Variants in SLC2A9 observed in about 807,000 individuals in gnomAD.
SLC2A9 encodes the protein solute carrier family 2 member 9.
In SLC2A9, 39 loss-of-function variants were observed where a neutral mutation model predicts 50.6. That is an observed-to-expected ratio of 0.77 (90% confidence interval 0.60 to 1.01). SLC2A9 has a LOEUF of 1.01. Ranked by LOEUF, SLC2A9 falls within the 50% of genes least tolerant of loss-of-function variation. The probability of loss-of-function intolerance (pLI) is 0.00; values close to 1 mark genes in which losing one functional copy is unlikely to be tolerated. For missense variants in SLC2A9, 686 were observed against 677.6 expected (o/e 1.01, Z -0.14); for synonymous variants, 324 against 276.9 (o/e 1.17, Z -1.69).
chr4:9,929,098 G>A (rs1045817627), intron 6 of SLC2A9, among the ~76,000 whole-genome samples: 25 of 152,216 alleles, frequency 1.6e-4, no homozygotes, highest in Non-Finnish European at 3.2e-4. Flanking sequence ...AGCTATCCAC[G>A]TTGCAATAAC....
chr4:9,806,833 T>C (rs1224078902), intron 3 of SLC2A9, among the ~76,000 whole-genome samples: 1 of 152,178 alleles, frequency 6.6e-6, no homozygotes, highest in East Asian at 1.9e-4. Flanking sequence ...CCTGTGACAG[T>C]CACTCAAGGG....
chr4:9,969,132 G>C (rs1753498819), intron 5 of SLC2A9, among the ~76,000 whole-genome samples: 2 of 152,106 alleles, frequency 1.3e-5, no homozygotes, highest in South Asian at 4.2e-4. Context: ...TCATCTTGTA[G>C]AGATATTAAA....
chr4:9,991,819 C>T (rs753042734), intron 3 of SLC2A9, among the ~76,000 whole-genome samples: 2 of 152,104 alleles, frequency 1.3e-5, no homozygotes, highest in Non-Finnish European at 2.9e-5. Context: ...AAAGACCTGC[C>T]GACACTTTGA....
intron 8 of SLC2A9, among the ~76,000 whole-genome samples, chr4:9,905,826 G>A (rs1159652042): frequency 1.3e-5 from 2 of 152,074 alleles, no homozygotes; most frequent in South Asian, 2.1e-4. Flanking sequence ...AGAACACTTT[G>A]GGGTGTCGGT....
At chr4:9,791,930 C>T (rs1719963680) in intron 3 of SLC2A9, among the ~76,000 whole-genome samples, 1 of 152,168 alleles carries the variant, frequency 6.6e-6, no homozygotes. Context: ...CAATAGATAA[C>T]TAATATAGAA....
intron 10 of SLC2A9, among the ~76,000 whole-genome samples, chr4:9,855,024 G>T (rs1468436617): frequency 1.3e-5 from 2 of 152,130 alleles, no homozygotes; most frequent in African/African-American, 4.8e-5. Context: ...GCAAAAGCTG[G>T]AAACATCCCC....
chr4:9,999,551 T>G (rs532767807), intron 2 of SLC2A9, among the ~76,000 whole-genome samples: 1 of 151,990 alleles, frequency 6.6e-6, no homozygotes, highest in Non-Finnish European at 1.5e-5. Context: ...AGAAGAAAGC[T>G]TGGGTGGCCA....
At chr4:9,952,246 C>T (rs1208710189) in intron 5 of SLC2A9, among the ~76,000 whole-genome samples, 1 of 152,176 alleles carries the variant, frequency 6.6e-6, no homozygotes, top group South Asian at 2.1e-4. Flanking sequence ...GAATTATAAT[C>T]GCCGATGTTG....
At chr4:9,850,054 C>T (rs147548569) in intron 10 of SLC2A9, among the ~76,000 whole-genome samples, 12 of 151,620 alleles carry the variant, frequency 7.9e-5, no homozygotes, top group African/African-American at 2.9e-4. Context: ...AGAGAGAAGG[C>T]ATTGAGAGTG....
At chr4:10,005,269 A>T (rs1760579163) in intron 2 of SLC2A9, among the ~76,000 whole-genome samples, 1 of 152,232 alleles carries the variant, frequency 6.6e-6, no homozygotes, top group African/African-American at 2.4e-5. Context: ...GACGACAGGC[A>T]GAGTTAACAG....
intron 6 of SLC2A9, among the ~76,000 whole-genome samples, chr4:9,936,603 C>A (rs1327101536): frequency 1.3e-5 from 2 of 152,200 alleles, no homozygotes; most frequent in Non-Finnish European, 2.9e-5. Flanking sequence ...ATGTCTGGAG[C>A]AGCAGGTGTC....
intron 3 of SLC2A9, among the ~76,000 whole-genome samples, chr4:9,780,610 C>T (rs547242151): frequency 1.2e-4 from 18 of 152,278 alleles, no homozygotes; most frequent in South Asian, 1.0e-3. Context: ...GGTGTCTGGG[C>T]CAGCAGGTCG....
chr4:9,952,676 C>G (rs1244432430), intron 5 of SLC2A9, among the ~76,000 whole-genome samples: 1 of 152,038 alleles, frequency 6.6e-6, no homozygotes, highest in Non-Finnish European at 1.5e-5. Context: ...AGGCATGCAC[C>G]ACCAAGGCCA....
downstream of SLC2A9, among the ~76,000 whole-genome samples, chr4:9,797,373 T>G (rs1255307800): frequency 6.6e-6 from 1 of 152,228 alleles, no homozygotes; most frequent in African/African-American, 2.4e-5. Context: ...AACCAAACCT[T>G]GGTGTGATTG....
chr4:9,973,930 T>C (rs1244857542), intron 5 of SLC2A9, among the ~76,000 whole-genome samples: 3 of 151,454 alleles, frequency 2.0e-5, no homozygotes, highest in Admixed American at 2.0e-4. Context: ...CCTTTACAAA[T>C]TACCAGCAAA....
rs536904632 is a variant in SLC2A9 at position 9,782,158 on chromosome 4, C to T, written n.386-2093G>A. On this transcript the variant is annotated intron_variant and non_coding_transcript_variant, in intron 3 of 3. Coordinates refer to the SLC2A9 transcript ENST00000503803. ...CACTGGGGCCCTCACAGGTGGTCAC[C>T]GCCTGCCTGCTGACCCTACTCATCA... 23 of 1,585,530 alleles carry T rather than the reference C, an allele frequency of 1.5e-5. No homozygotes were observed. The African/African-American group carries it at 2.7e-4, about 18-fold the overall frequency.
At chr4:10,021,154 G>T in intron 1 of SLC2A9, 126 bp downstream of exon 1, 1 of 1,007,602 alleles carries the variant, frequency 9.9e-7, no homozygotes. Context: ...AGGCCTCCCT[G>T]CCTCAAAGCC....
intron 2 of SLC2A9, among the ~76,000 whole-genome samples, chr4:10,002,523 T>A (rs535241856): frequency 1.3e-5 from 2 of 152,344 alleles, no homozygotes; most frequent in African/African-American, 2.4e-5. Flanking sequence ...ATGTGAAAGT[T>A]AAGCAGATAA....
At chr4:10,038,801 T>C (rs146274526) in intron 1 of SLC2A9, among the ~76,000 whole-genome samples, 4 of 152,340 alleles carry the variant, frequency 2.6e-5, no homozygotes, top group African/African-American at 7.2e-5. Flanking sequence ...TTCTTAGGCA[T>C]GGAGGGCTTT....
Sources: gnomAD v4.1 joint callset for allele counts (sites outside exome capture counted in the v4.1 genomes callset) on GRCh38, gnomAD v4.1.1 for gene constraint, MANE v1.5 for transcripts, NCBI Gene and HGNC (gene_info 2026-07-23, HGNC 2026-07-21) for gene names.